The following CCDC178 variants were observed in gnomAD, a reference collection of about 807,000 sequenced individuals.
The protein encoded by CCDC178 is coiled-coil domain-containing protein 178.
Under a neutral mutation model 117.4 loss-of-function variants are expected in CCDC178, and 126 were observed. That is an observed-to-expected ratio of 1.07 (90% CI 0.93 to 1.24). The LOEUF is 1.24. CCDC178 is among the 50% of genes most tolerant of loss of function. The pLI, the probability that CCDC178 is intolerant of heterozygous loss-of-function variation, is 0.00. For missense variants in CCDC178, 1,030 were observed against 986.9 expected (o/e 1.04, Z -0.59); for synonymous variants, 283 against 313.4 (o/e 0.90, Z 1.02).
intron 21 of CCDC178, among the ~76,000 whole-genome samples, chr18:33,019,202 G>A (rs1019943581): frequency 1.3e-5 from 2 of 152,132 alleles, no homozygotes; most frequent in Non-Finnish European, 2.9e-5. Context: ...ATAAATGAAT[G>A]AATAAACAGA....
chr18:32,996,202 A>G (rs2055504354), intron 21 of CCDC178, among the ~76,000 whole-genome samples: 1 of 152,020 alleles, frequency 6.6e-6, no homozygotes, highest in South Asian at 2.1e-4. Flanking sequence ...AACAGCATTA[A>G]AAACAACAGC....
At chr18:33,280,894 A>G (rs1286863832) in intron 12 of CCDC178, among the ~76,000 whole-genome samples, 2 of 152,150 alleles carry the variant, frequency 1.3e-5, no homozygotes, top group Non-Finnish European at 2.9e-5. Context: ...ATAGATGGGA[A>G]TTGAACAATG....
intron 20 of CCDC178, among the ~76,000 whole-genome samples, chr18:33,166,253 C>T (rs2144402497): frequency 6.6e-6 from 1 of 152,230 alleles, no homozygotes; most frequent in Non-Finnish European, 1.5e-5. Context: ...AAAGAAAACA[C>T]TTGGTAACAA....
chr18:33,307,238 A>G (rs921505349), intron 11 of CCDC178, among the ~76,000 whole-genome samples: 13 of 152,172 alleles, frequency 8.5e-5, no homozygotes, highest in Non-Finnish European at 1.2e-4. Context: ...AAAGTTTGGA[A>G]CTTCCTACAG....
chr18:33,422,841 T>C (rs6507025), intron 2 of CCDC178, among the ~76,000 whole-genome samples: 122,501 of 152,048 alleles, frequency 0.81, 49,568 homozygotes, highest in East Asian at 1. Context: ...TTCACTTTGC[T>C]CTCTGTCTAT....
intron 10 of CCDC178, among the ~76,000 whole-genome samples, chr18:33,325,075 C>T (rs1235999939): frequency 1.3e-5 from 2 of 151,660 alleles, no homozygotes; most frequent in African/African-American, 2.4e-5. Context: ...TATTACATAG[C>T]AAAATTCCCC....
chr18:33,214,487 G>A (rs957608537), intron 19 of CCDC178, among the ~76,000 whole-genome samples: 1 of 151,900 alleles, frequency 6.6e-6, no homozygotes, highest in African/African-American at 2.4e-5. Context: ...GGATTGAAAC[G>A]GGAGGAAGCC....
intron 14 of CCDC178, among the ~76,000 whole-genome samples, chr18:33,259,223 T>C (rs1299166483): frequency 6.6e-6 from 1 of 152,164 alleles, no homozygotes; most frequent in Non-Finnish European, 1.5e-5. Flanking sequence ...AACCACAGAA[T>C]TAAGTTTTTT....
intron 22 of CCDC178, among the ~76,000 whole-genome samples, chr18:32,953,173 C>A (rs1301873415): frequency 6.6e-6 from 1 of 152,140 alleles, no homozygotes; most frequent in Non-Finnish European, 1.5e-5. Context: ...TTCCAAGTTC[C>A]ACAGATTTTT....
chr18:33,404,746 GAATATCCATAAAGAAT>G (rs1321023127), intron 3 of CCDC178, among the ~76,000 whole-genome samples: 1 of 151,932 alleles, frequency 6.6e-6, no homozygotes, highest in Non-Finnish European at 1.5e-5. Context: ...ACAATAGGTG[GAATATCCATAAAGAAT>G]AATAGTATTC....
intron 4 of CCDC178, among the ~76,000 whole-genome samples, chr18:33,396,615 A>T (rs2063640409): frequency 6.6e-6 from 1 of 152,200 alleles, no homozygotes; most frequent in Admixed American, 6.5e-5. Flanking sequence ...GTAATGTTGA[A>T]CAAGGGCAGC....
chr18:33,012,208 C>G (rs1187814444), intron 21 of CCDC178, among the ~76,000 whole-genome samples: 1 of 152,102 alleles, frequency 6.6e-6, no homozygotes, highest in Non-Finnish European at 1.5e-5. Flanking sequence ...TTCTGCAAAA[C>G]ATTATATTAT....
intron 20 of CCDC178, among the ~76,000 whole-genome samples, chr18:33,181,416 G>C (rs2058731337): frequency 6.6e-6 from 1 of 151,558 alleles, no homozygotes; most frequent in Non-Finnish European, 1.5e-5. Context: ...TTGTGTTTTG[G>C]GTAAAAATTC....
chr18:33,203,409 A>G (rs945829137), intron 20 of CCDC178, among the ~76,000 whole-genome samples: 1 of 152,132 alleles, frequency 6.6e-6, no homozygotes, highest in African/African-American at 2.4e-5. Context: ...GCAGTAAATT[A>G]TAACTGCATT....
intron 20 of CCDC178, among the ~76,000 whole-genome samples, chr18:33,203,326 C>A (rs1464809229): frequency 2.0e-5 from 3 of 151,992 alleles, no homozygotes; most frequent in Non-Finnish European, 4.4e-5. Flanking sequence ...TGCCTTTTAA[C>A]TTTGTTTTTA....
chr18:33,093,673 T>C (rs1048608352), intron 20 of CCDC178, among the ~76,000 whole-genome samples: 12 of 151,730 alleles, frequency 7.9e-5, no homozygotes, highest in Non-Finnish European at 1.8e-4. Context: ...GTTTAGTTTC[T>C]GATTTTTTTT....
At chr18:32,984,941 T>C (rs955235261) in intron 21 of CCDC178, among the ~76,000 whole-genome samples, 21 of 151,944 alleles carry the variant, frequency 1.4e-4, no homozygotes, top group African/African-American at 4.8e-4. Context: ...GTTGGCACTT[T>C]CGGTTTTCAT....
intron 21 of CCDC178, among the ~76,000 whole-genome samples, chr18:33,041,657 T>C (rs1341725879): frequency 1.3e-5 from 2 of 151,544 alleles, no homozygotes; most frequent in Non-Finnish European, 3.0e-5. Flanking sequence ...AAAATAATAA[T>C]TATTTCTTAA....
At chr18:33,220,661 C>G (rs893241676) in intron 18 of CCDC178, among the ~76,000 whole-genome samples, 1 of 152,074 alleles carries the variant, frequency 6.6e-6, no homozygotes, top group Non-Finnish European at 1.5e-5. Context: ...ATGAAATGAT[C>G]TGAGCCGTGT....
Sources: gnomAD v4.1 joint callset for allele counts (sites outside exome capture counted in the v4.1 genomes callset) on GRCh38, gnomAD v4.1.1 for gene constraint, MANE v1.5 for transcripts, NCBI Gene and HGNC (gene_info 2026-07-23, HGNC 2026-07-21) for gene names.